The following TES variants were observed in gnomAD, a reference collection of about 807,000 sequenced individuals.
TES encodes the protein testin LIM domain protein.
A neutral mutation model predicts 48.2 loss-of-function variants in TES; 41 were observed. That is an observed-to-expected ratio of 0.85 (90% CI 0.66 to 1.10). TES has a LOEUF of 1.10. Ranked by LOEUF, TES falls within the 50% of genes least tolerant of loss-of-function variation. The pLI is 0.00. For missense variants in TES, 463 were observed against 515.1 expected (o/e 0.90, Z 0.98); for synonymous variants, 162 against 174.9 (o/e 0.93, Z 0.58).
chr7:116,257,523 G>T lies in TES; in HGVS notation c.*41G>T. The stretch of plus-strand genomic sequence containing the variant: ...AAGTATCGAGCCATAGCTATCCAAA[G>T]TGGTCTGCATTTCTACTGTAAAATG... On this transcript the variant is annotated 3_prime_UTR_variant, in exon 7 of 7. Transcript: ENST00000358204. 6.9e-7 allele frequency: 1 copy of T among 1,439,044 alleles called. No homozygotes were observed. The highest frequency in any genetic ancestry group is 9.2e-7 in the Non-Finnish European group (1 of 1,084,676). 89.1% of individuals were successfully genotyped at this position (1,439,044 alleles called of 1,614,324 possible).
chr7:116,253,709 G>A (rs1162402767), intron 6 of TES, among the ~76,000 whole-genome samples: 1 of 151,954 alleles, frequency 6.6e-6, no homozygotes, highest in Non-Finnish European at 1.5e-5. Context: ...ACTTTTCCCT[G>A]TTTTACCTGA....
chr7:116,229,033 T>TATATATATATAA lies in TES; in HGVS notation c.28-5500_28-5499insTATATATATAAA, dbSNP rs1417517023. Reference sequence around the variant, plus strand: ...ATATATATATATATATATATATATATAATCATTTCCTTAATATTTGGTAAT... The same window carrying TATATATATATAA: ...ATATATATATATATATATATATATATATATATATATAAAATCATTTCCTTAATATTTGGTAAT... On this transcript the variant is annotated intron_variant, in intron 1 of 6. Coordinates refer to ENST00000358204, the MANE Select transcript of TES (RefSeq NM_015641.4). Among the ~76,000 whole-genome samples the TATATATATATAA allele has an allele frequency of 3.1e-3, 356 of 115,190 alleles. 2 individuals carry two copies. The highest frequency in any genetic ancestry group is 8.9e-3 in the East Asian group (29 of 3,274). The allele number at this position is 115,190 out of a possible 152,430, so 75.6% of individuals were successfully genotyped here.
chr7:116,242,229 T>TC (rs1165597940), intron 2 of TES, among the ~76,000 whole-genome samples: 1 of 152,020 alleles, frequency 6.6e-6, no homozygotes, highest in African/African-American at 2.4e-5. Context: ...TCCACCTTCT[T>TC]CCCCCCTCAG....
intron 1 of TES, among the ~76,000 whole-genome samples, chr7:116,231,538 GAC>G (rs1418140003): frequency 1.3e-5 from 2 of 152,160 alleles, no homozygotes; most frequent in Admixed American, 6.5e-5. Flanking sequence ...AGTCTGGAAA[GAC>G]AGGACCACTG....
chr7:116,250,150 T>C lies in TES; in HGVS notation c.367-11T>C. ...CCAATCCCAGTTAACATTGGCCTCC[T>C]TGTGGTTCAGGCCAGGCAGTACATG... On this transcript the variant is annotated splice_polypyrimidine_tract_variant and intron_variant, in intron 3 of 6. Transcript: ENST00000358204. The C allele has an allele frequency of 6.7e-7, 1 of 1,502,804 alleles. No individual in the cohort carries two copies. Among genetic ancestry groups the C allele is most frequent in the Non-Finnish European group, 8.9e-7 (1 of 1,127,900 alleles). The allele number at this position is 1,502,804 out of a possible 1,614,324, so 93.1% of individuals were successfully genotyped here.
chr7:116,243,950 G>GAA (rs1256793120), intron 2 of TES: 4 of 152,276 alleles, frequency 2.6e-5, no homozygotes, highest in Non-Finnish European at 5.9e-5. Context: ...GCAAAAGGGA[G>GAA]AAAAGCCCCT....
chr7:116,223,629 C>G (rs1048102403), intron 1 of TES, among the ~76,000 whole-genome samples: 1 of 152,122 alleles, frequency 6.6e-6, no homozygotes, highest in Non-Finnish European at 1.5e-5. Context: ...ATATTCTACC[C>G]TGTCTTCTGA....
intron 2 of TES, among the ~76,000 whole-genome samples, chr7:116,244,674 G>A (rs1799896894): frequency 6.6e-6 from 1 of 152,196 alleles, no homozygotes; most frequent in African/African-American, 2.4e-5. Context: ...ACTAGGCAGT[G>A]CCCTTGTGGG....
At chr7:116,217,243 C>A (rs145234875) in intron 1 of TES, among the ~76,000 whole-genome samples, 116 of 152,158 alleles carry the variant, frequency 7.6e-4, no homozygotes, top group Non-Finnish European at 9.9e-4. Context: ...ATTAGGGATT[C>A]TTATTTCATT....
chr7:116,244,425 A>G (rs1426611494), intron 2 of TES, among the ~76,000 whole-genome samples: 2 of 152,260 alleles, frequency 1.3e-5, no homozygotes, highest in African/African-American at 4.8e-5. Flanking sequence ...TCAAAATCCA[A>G]TAGGGCAGTC....
intron 1 of TES, 134 bp downstream of exon 1, chr7:116,210,868 C>A: frequency 1.3e-6 from 1 of 795,610 alleles, no homozygotes; most frequent in Non-Finnish European, 1.7e-6. Flanking sequence ...CTGCGGTGCC[C>A]CGGGCCCAGG....
At chr7:116,250,993 T>G (rs1425151012) in intron 4 of TES, among the ~76,000 whole-genome samples, 1 of 152,146 alleles carries the variant, frequency 6.6e-6, no homozygotes, top group East Asian at 1.9e-4. Context: ...GCTAATGACT[T>G]GATGGTAGGA....
intron 2 of TES, 26 bp from the exon 3 acceptor site, chr7:116,248,994 T>C: frequency 6.5e-7 from 1 of 1,544,162 alleles, no homozygotes; most frequent in Non-Finnish European, 8.7e-7. Flanking sequence ...CAATTAATCA[T>C]TTTCTACTTA....
chr7:116,251,696 GAAA>G, intron 4 of TES, 61 bp from the exon 5 acceptor site: 1 of 961,578 alleles, frequency 1.0e-6, no homozygotes, highest in South Asian at 1.8e-5. Flanking sequence ...AAAAAAAAAA[GAAA>G]GAAAGAAAAG....
chr7:116,252,967 G>A (rs1341503543), intron 6 of TES, among the ~76,000 whole-genome samples: 3 of 152,116 alleles, frequency 2.0e-5, no homozygotes, highest in South Asian at 2.1e-4. Context: ...CTTGGCCTGC[G>A]TATTTAGATT....
chr7:116,218,818 T>C (rs1477051437), intron 1 of TES, among the ~76,000 whole-genome samples: 1 of 152,098 alleles, frequency 6.6e-6, no homozygotes, highest in African/African-American at 2.4e-5. Context: ...AGGAACCTTT[T>C]TATAAACAAA....
chr7:116,231,132 G>T (rs1043505300), intron 1 of TES, among the ~76,000 whole-genome samples: 2 of 152,084 alleles, frequency 1.3e-5, no homozygotes, highest in Non-Finnish European at 2.9e-5. Context: ...CTGAGTTTTA[G>T]GTCTGGTTTG....
At chr7:116,254,752 ATATATATG>A (rs1393753326) in intron 6 of TES, among the ~76,000 whole-genome samples, 3 of 83,670 alleles carry the variant, frequency 3.6e-5, no homozygotes, top group African/African-American at 1.4e-4. Flanking sequence ...AAAAAAATAT[ATATATATG>A]TGTGTGTGTG....
At chr7:116,248,972 A>G (rs1460221051) in intron 2 of TES, 48 bp from the exon 3 acceptor site, 20 of 1,489,648 alleles carry the variant, frequency 1.3e-5, no homozygotes, top group Admixed American at 4.4e-5. Context: ...GAACATAAAT[A>G]TCAATTAGGT....
Sources: allele counts gnomAD v4.1 joint callset (sites outside exome capture counted in the v4.1 genomes callset), GRCh38; gene constraint gnomAD v4.1.1; transcripts MANE v1.5; gene names NCBI Gene and HGNC (gene_info 2026-07-23, HGNC 2026-07-21).